PI4KA: variants seen among roughly 807,000 people sequenced by gnomAD.
PI4KA encodes phosphatidylinositol 4-kinase alpha.
A neutral mutation model predicts 271.4 loss-of-function variants in PI4KA; 122 were observed. That is an observed-to-expected ratio of 0.45 (90% CI 0.39 to 0.52). The LOEUF is 0.52. Ranked by LOEUF, PI4KA falls within the 20% of genes least tolerant of loss-of-function variation. PI4KA has a pLI of 0.00. For synonymous variants in PI4KA, 1,041 were observed against 1,078.8 expected (o/e 0.96, Z 0.69); for missense variants, 1,969 against 2,769.1 (o/e 0.71, Z 6.48).
At position 20,849,568 on chromosome 22, in the gene PI4KA, T is replaced by C. The variant is rs145600295; in HGVS notation, c.156+9002A>G. 5.9e-5 allele frequency among the ~76,000 whole-genome samples: 9 copies of C among 152,194 alleles called. No homozygotes were observed. In the East Asian group the frequency reaches 1.7e-3, roughly 29 times the overall value. The stretch of plus-strand genomic sequence containing the variant: ...TTGAAAATACGCCAAGTAAAAACCA[T>C]CATGGCAGGTGCAGTGGCTCACACC... On this transcript the variant is annotated intron_variant, in intron 1 of 54. Transcript: ENST00000255882.
At chr22:20,739,085 C>G (rs930465220) in intron 32 of PI4KA, among the ~76,000 whole-genome samples, 34 of 151,356 alleles carry the variant, frequency 2.2e-4, no homozygotes, top group Admixed American at 4.6e-4. Flanking sequence ...GTGGCTCACG[C>G]CTAAAATCCC....
intron 45 of PI4KA, among the ~76,000 whole-genome samples, chr22:20,715,439 T>G (rs539878486): frequency 1.3e-3 from 203 of 152,148 alleles, no homozygotes; most frequent in Non-Finnish European, 1.9e-3. Context: ...TGAACTGTCC[T>G]TGGTTCTCCC....
At chr22:20,757,824 G>A (rs1807533) in intron 23 of PI4KA, among the ~76,000 whole-genome samples, 69,522 of 151,898 alleles carry the variant, frequency 0.46, 16,521 homozygotes, top group African/African-American at 0.57. Context: ...GATTACAGGC[G>A]TGAGCTACCG....
chr22:20,760,598 C>T (rs1018096103), intron 23 of PI4KA, among the ~76,000 whole-genome samples: 4 of 152,178 alleles, frequency 2.6e-5, no homozygotes, highest in African/African-American at 9.7e-5. Context: ...CTCACGGGAC[C>T]ACTACCCAAA....
chr22:20,734,767 C>T (rs1032242087), intron 32 of PI4KA: 2 of 783,128 alleles, frequency 2.6e-6, no homozygotes, highest in African/African-American at 3.5e-5. Flanking sequence ...CTCGAGGCTG[C>T]CTTCTGTTCA....
At chr22:20,836,196 C>A (rs941719211) in intron 2 of PI4KA, among the ~76,000 whole-genome samples, 10 of 152,120 alleles carry the variant, frequency 6.6e-5, no homozygotes, top group African/African-American at 2.2e-4. Flanking sequence ...ATGAATGAGA[C>A]TTCAGGTGAT....
In PI4KA at chr22:20,780,775, C is replaced by CAAAAA. The variant is rs538327544; in HGVS notation, c.2328+12413_2328+12417dup. Among the ~76,000 whole-genome samples the CAAAAA allele has an allele frequency of 2.2e-4, 15 of 67,702 alleles. 1 individual carries two copies. The highest frequency in any genetic ancestry group is 9.6e-3 in the Middle Eastern group (1 of 104). 44.4% of individuals were successfully genotyped at this position (67,702 alleles called of 152,430 possible). A position where few individuals can be genotyped will look rare whatever the true frequency, so the allele number is the denominator to read the frequency against. Reference sequence around the variant, plus strand: ...TGGACGACAGAGTGAGACTCCATCTCAAAAAAAAAAAAAAAAGAAGTAAAA... The same window carrying CAAAAA: ...TGGACGACAGAGTGAGACTCCATCTCAAAAAAAAAAAAAAAAAAAAAGAAGTAAAA... On this transcript the variant is annotated intron_variant, in intron 19 of 54. Transcript: ENST00000255882.
chr22:20,762,435 AAC>A (rs1196001315), intron 22 of PI4KA, among the ~76,000 whole-genome samples: 2 of 152,330 alleles, frequency 1.3e-5, no homozygotes, highest in African/African-American at 2.4e-5. Context: ...TCTCTATGCT[AAC>A]AGAGTGCTCT....
chr22:20,760,853 A>G (rs538193499), intron 23 of PI4KA, among the ~76,000 whole-genome samples: 4 of 152,320 alleles, frequency 2.6e-5, no homozygotes, highest in South Asian at 4.1e-4. Context: ...ATCTGGAAGC[A>G]AGTGGCATGA....
At chr22:20,844,472 T>C (rs999336130) in intron 1 of PI4KA, among the ~76,000 whole-genome samples, 1 of 152,208 alleles carries the variant, frequency 6.6e-6, no homozygotes, top group Non-Finnish European at 1.5e-5. Flanking sequence ...AATGAAGTAA[T>C]ATATAATGTA....
At chr22:20,857,057 A>T (rs1373626733) in intron 1 of PI4KA, among the ~76,000 whole-genome samples, 2 of 152,096 alleles carry the variant, frequency 1.3e-5, no homozygotes, top group East Asian at 3.8e-4. Flanking sequence ...ACAGCACTAC[A>T]CTCCATTAGT....
intron 19 of PI4KA, among the ~76,000 whole-genome samples, chr22:20,784,920 C>G (rs1934091882): frequency 6.6e-6 from 1 of 152,166 alleles, no homozygotes; most frequent in Non-Finnish European, 1.5e-5. Flanking sequence ...TGCAACCAAA[C>G]TGAGAAAAGT....
At chr22:20,735,146 C>T (rs1263962623) in intron 32 of PI4KA, among the ~76,000 whole-genome samples, 1 of 151,304 alleles carries the variant, frequency 6.6e-6, no homozygotes, top group East Asian at 2.0e-4. Flanking sequence ...CGTGGGGGGG[C>T]ATGAGGGGTG....
chr22:20,817,705 G>A (rs749927694), intron 7 of PI4KA, among the ~76,000 whole-genome samples: 3 of 104,892 alleles, frequency 2.9e-5, no homozygotes, highest in Non-Finnish European at 5.4e-5. Context: ...CTGCACTCCA[G>A]CCTGGGTGGC....
Position 20,729,489 on chromosome 22 carries a change from A to G in PI4KA, c.4506T>C (p.Arg1502=). 6.2e-7 allele frequency: 1 copy of G among 1,601,126 alleles called. No individual in the cohort carries two copies. The highest frequency in any genetic ancestry group is 8.5e-7 in the Non-Finnish European group (1 of 1,173,236). Residue 1502 remains arginine (R), a synonymous_variant, in exon 39 of 55, where the codon CGT becomes CGC. Coordinates refer to ENST00000255882, the MANE Select transcript of PI4KA (RefSeq NM_058004.4). ...LLSLLATEIE[R]LITWYNPLSA... ...ACAGCGGGTTGTACCATGTGATGAG[A>G]CGCTCGATCTCAGTGGCCTGGCAAG... is the stretch of plus-strand genomic sequence containing the variant.
chr22:20,814,899 G>GT (rs1921572072), intron 7 of PI4KA, among the ~76,000 whole-genome samples: 1 of 149,754 alleles, frequency 6.7e-6, no homozygotes, highest in Non-Finnish European at 1.5e-5. Context: ...GCTCACACAT[G>GT]TAATCCCAGC....
Position 20,742,157 on chromosome 22 carries a change from G to A in PI4KA, c.3741+71C>T, listed in dbSNP as rs543338639. 905 of 1,510,770 alleles carry A rather than the reference G, an allele frequency of 6.0e-4. 3 individuals carry two copies. In the African/African-American group the frequency reaches 0.011, roughly 19 times the overall value. The allele number at this position is 1,510,770 out of a possible 1,614,324, so 93.6% of individuals were successfully genotyped here. A position where few individuals can be genotyped will look rare whatever the true frequency, so the allele number is the denominator to read the frequency against. ...AGTGTCTCCATGCTTGGTGGTGGCG[G>A]CACCAGGGAAGGCTCTTCCCGTCTG... On this transcript the variant is annotated intron_variant, in intron 32 of 54. Transcript: ENST00000255882.
Position 20,799,286 on chromosome 22 carries a change from G to A in PI4KA, c.1821-10C>T. 1.3e-6 allele frequency: 2 copies of A among 1,511,278 alleles called. No homozygotes were observed. Among genetic ancestry groups the A allele is most frequent in the Non-Finnish European group, 1.8e-6 (2 of 1,133,728 alleles). 93.6% of individuals were successfully genotyped at this position (1,511,278 alleles called of 1,614,324 possible). A position where few individuals can be genotyped will look rare whatever the true frequency, so the allele number is the denominator to read the frequency against. ...AATCAAGTGAGCGTCCCTACAGAAG[G>A]AAGAACAGAAGCGCCCTAGCAACAG... On this transcript the variant is annotated splice_polypyrimidine_tract_variant and intron_variant, in intron 15 of 54. Coordinates refer to ENST00000255882, the MANE Select transcript of PI4KA (RefSeq NM_058004.4).
At chr22:20,802,488 C>T (rs1430435960) in intron 13 of PI4KA, among the ~76,000 whole-genome samples, 1 of 152,130 alleles carries the variant, frequency 6.6e-6, no homozygotes, top group Non-Finnish European at 1.5e-5. Context: ...GGAGCAGGGG[C>T]CTTAGAGCCT....
Sources: gnomAD v4.1 joint callset for allele counts (sites outside exome capture counted in the v4.1 genomes callset) on GRCh38, gnomAD v4.1.1 for gene constraint, MANE v1.5 for transcripts, NCBI Gene and HGNC (gene_info 2026-07-23, HGNC 2026-07-21) for gene names.